The following KHDRBS2 variants were observed in gnomAD, a reference collection of about 807,000 sequenced individuals.
KHDRBS2 encodes KH RNA binding domain containing, signal transduction associated 2.
In KHDRBS2, 26 loss-of-function variants were observed where a neutral mutation model predicts 44.3. The ratio of observed to expected loss-of-function variants is 0.59; its 90% CI spans 0.43 to 0.81. The LOEUF is 0.81. Ranked by LOEUF, KHDRBS2 falls within the 40% of genes least tolerant of loss-of-function variation. KHDRBS2 has a pLI of 0.00. For synonymous variants in KHDRBS2, 194 were observed against 151.1 expected (o/e 1.28, Z -2.08); for missense variants, 476 against 433.1 (o/e 1.10, Z -0.88).
At chr6:61,815,107 A>C (rs1281938404) in intron 6 of KHDRBS2, among the ~76,000 whole-genome samples, 3 of 151,484 alleles carry the variant, frequency 2.0e-5, no homozygotes, top group African/African-American at 7.3e-5. Context: ...TTTTTTTTTC[A>C]AATATTTTCC....
intron 2 of KHDRBS2, among the ~76,000 whole-genome samples, chr6:62,160,525 CCT>C (rs1817398902): frequency 6.6e-6 from 1 of 152,078 alleles, no homozygotes; most frequent in Admixed American, 6.6e-5. Flanking sequence ...ATTGCAAACC[CCT>C]GTCTTTTACT....
At chr6:61,594,049 T>C in the KHDRBS2 span, among the ~76,000 whole-genome samples, 1 of 152,018 alleles carries the variant, frequency 6.6e-6, no homozygotes, top group African/African-American at 2.4e-5. Flanking sequence ...CATACAAATA[T>C]GTATACTGCC....
chr6:62,255,860 G>A (rs1438453467), intron 1 of KHDRBS2, among the ~76,000 whole-genome samples: 1 of 151,818 alleles, frequency 6.6e-6, no homozygotes, highest in Non-Finnish European at 1.5e-5. Flanking sequence ...GGCCAGTTGT[G>A]GTGGCTCACA....
intron 4 of KHDRBS2, among the ~76,000 whole-genome samples, chr6:61,908,625 T>G (rs538430962): frequency 1.1e-5 from 1 of 94,844 alleles, no homozygotes; most frequent in Admixed American, 1.2e-4. Flanking sequence ...AAGAGTGAGA[T>G]TCCGTCTCAA....
intron 1 of KHDRBS2, among the ~76,000 whole-genome samples, chr6:62,246,401 T>G (rs1378616137): frequency 6.6e-6 from 1 of 152,018 alleles, no homozygotes; most frequent in Non-Finnish European, 1.5e-5. Flanking sequence ...CACTTCTCCT[T>G]TCTTTTCTAC....
intron 2 of KHDRBS2, among the ~76,000 whole-genome samples, chr6:62,103,640 A>G (rs2127375836): frequency 7.0e-6 from 1 of 143,666 alleles, no homozygotes; most frequent in South Asian, 2.2e-4. Flanking sequence ...CTTCCACCCC[A>G]ACAATGGGGC....
intron 6 of KHDRBS2, among the ~76,000 whole-genome samples, chr6:61,894,003 C>A (rs1802472271): frequency 6.6e-6 from 1 of 151,848 alleles, no homozygotes; most frequent in Non-Finnish European, 1.5e-5. Flanking sequence ...GACACAAGGA[C>A]CACAATGTAA....
At chr6:61,543,888 G>C in the KHDRBS2 span, among the ~76,000 whole-genome samples, 1 of 151,968 alleles carries the variant, frequency 6.6e-6, no homozygotes, top group African/African-American at 2.4e-5. Flanking sequence ...ATTTGTGGGA[G>C]CTAAAAATCG....
intron 1 of KHDRBS2, among the ~76,000 whole-genome samples, chr6:62,280,379 A>C (rs2150196001): frequency 6.6e-6 from 1 of 152,296 alleles, no homozygotes; most frequent in East Asian, 1.9e-4. Context: ...ACGGTCAAAA[A>C]AGGAAGTAAA....
chr6:62,180,552 A>C (rs1822052066), intron 1 of KHDRBS2, among the ~76,000 whole-genome samples: 2 of 151,908 alleles, frequency 1.3e-5, no homozygotes, highest in African/African-American at 4.8e-5. Flanking sequence ...GGAGACAAAA[A>C]TAAATGAAAA....
At chr6:62,001,235 A>T (rs1414687443) in intron 3 of KHDRBS2, among the ~76,000 whole-genome samples, 5 of 152,184 alleles carry the variant, frequency 3.3e-5, no homozygotes, top group African/African-American at 1.2e-4. Flanking sequence ...TTAATGGGTC[A>T]GTAGTCTCAG....
At chr6:61,812,022 T>A (rs1788205040) in intron 6 of KHDRBS2, among the ~76,000 whole-genome samples, 1 of 152,152 alleles carries the variant, frequency 6.6e-6, no homozygotes, top group South Asian at 2.1e-4. Flanking sequence ...ATGAAGTTCA[T>A]ATCTTTATCT....
At chr6:61,851,741 T>C (rs540053788) in intron 6 of KHDRBS2, among the ~76,000 whole-genome samples, 1 of 152,352 alleles carries the variant, frequency 6.6e-6, no homozygotes, top group East Asian at 1.9e-4. Context: ...CATTTCGTTA[T>C]GGCAACCTAG....
chr6:62,159,115 A>T (rs1233059338), intron 2 of KHDRBS2, among the ~76,000 whole-genome samples: 1 of 152,144 alleles, frequency 6.6e-6, no homozygotes, highest in African/African-American at 2.4e-5. Flanking sequence ...GTGTAGGCTC[A>T]TTTATAAAAG....
intron 1 of KHDRBS2, among the ~76,000 whole-genome samples, chr6:62,254,429 A>G (rs1166325649): frequency 2.6e-5 from 4 of 152,070 alleles, no homozygotes; most frequent in Admixed American, 2.6e-4. Flanking sequence ...ATAAAAGCAA[A>G]TATGATTATG....
At chr6:61,870,777 G>C (rs1318405967) in intron 6 of KHDRBS2, among the ~76,000 whole-genome samples, 1 of 146,538 alleles carries the variant, frequency 6.8e-6, no homozygotes, top group African/African-American at 2.4e-5. Context: ...ACGTGCAGCA[G>C]AGGGGCCTGA....
chr6:62,128,596 C>A (rs114660016), intron 2 of KHDRBS2, among the ~76,000 whole-genome samples: 2 of 151,208 alleles, frequency 1.3e-5, no homozygotes, highest in South Asian at 2.1e-4. Context: ...CTTTTTATGG[C>A]GAATGTAGAA....
chr6:61,845,531 G>A (rs1165351130), intron 6 of KHDRBS2, among the ~76,000 whole-genome samples: 3 of 152,084 alleles, frequency 2.0e-5, no homozygotes, highest in South Asian at 2.1e-4. Flanking sequence ...GGATGGTCTC[G>A]ATCTCTTGAC....
chr6:61,559,805 G>A, the KHDRBS2 span, among the ~76,000 whole-genome samples: 3 of 152,066 alleles, frequency 2.0e-5, no homozygotes, highest in East Asian at 5.8e-4. Context: ...TTTTTGATTG[G>A]TTCATCTTTT....
Sources: allele counts gnomAD v4.1 joint callset (sites outside exome capture counted in the v4.1 genomes callset), GRCh38; gene constraint gnomAD v4.1.1; transcripts MANE v1.5; gene names NCBI Gene and HGNC (gene_info 2026-07-23, HGNC 2026-07-21).